Variants in PRKN observed in about 807,000 individuals in gnomAD.
PRKN encodes the protein E3 ubiquitin-protein ligase parkin.
A neutral mutation model predicts 59.5 loss-of-function variants in PRKN; 56 were observed. The observed-to-expected ratio is 0.94, with a 90% confidence interval of 0.76 to 1.18. The LOEUF (loss-of-function observed/expected upper bound fraction) is 1.18, where lower values mean the gene tolerates loss of function less well. PRKN is among the 50% of genes most tolerant of loss of function. The pLI is 0.00. For missense variants in PRKN, 657 were observed against 596.4 expected, an observed-to-expected ratio of 1.10 and a Z score of -1.06; for synonymous variants, 250 against 222.1, an observed-to-expected ratio of 1.13 and a Z score of -1.12.
At chr6:162,451,723 T>C (rs1266746132) in intron 1 of PRKN, among the ~76,000 whole-genome samples, 8 of 152,086 alleles carry the variant, frequency 5.3e-5, no homozygotes, top group African/African-American at 1.9e-4. Context: ...TTTAAATGAA[T>C]AGATGTTAGG....
At chr6:162,615,459 G>A (rs377328276) in intron 1 of PRKN, among the ~76,000 whole-genome samples, 4 of 148,930 alleles carry the variant, frequency 2.7e-5, no homozygotes, top group African/African-American at 9.8e-5. Context: ...TTTTTTTTTA[G>A]ACCTGCACAC....
intron 5 of PRKN, among the ~76,000 whole-genome samples, chr6:162,000,358 T>A (rs757228890): frequency 6.6e-6 from 1 of 152,030 alleles, no homozygotes; most frequent in Non-Finnish European, 1.5e-5. Context: ...TGTACTGGTA[T>A]CTCATTGTTT....
intron 1 of PRKN, among the ~76,000 whole-genome samples, chr6:162,480,551 C>T (rs1443615641): frequency 6.6e-6 from 1 of 152,068 alleles, no homozygotes; most frequent in African/African-American, 2.4e-5. Context: ...AAAGCAGTCA[C>T]CCAAACAATG....
At chr6:161,489,113 A>G (rs926982285) in intron 9 of PRKN, among the ~76,000 whole-genome samples, 1 of 152,132 alleles carries the variant, frequency 6.6e-6, no homozygotes, top group African/African-American at 2.4e-5. Flanking sequence ...GATTTCTAAG[A>G]CATAATTCAC....
intron 2 of PRKN, among the ~76,000 whole-genome samples, chr6:162,403,196 G>C (rs1364110702): frequency 6.6e-6 from 1 of 152,036 alleles, no homozygotes; most frequent in African/African-American, 2.4e-5. Flanking sequence ...ACCATCTGGC[G>C]CCTTTCGTCA....
Position 161,639,378 on chromosome 6 carries a change from G to A in PRKN, c.872-69962C>T, listed in dbSNP as rs113019003. On this transcript the variant is annotated intron_variant, in intron 7 of 11. Transcript: ENST00000366898. Reference sequence around the variant, plus strand: ...GAAAAGCAATTGTTAGCGCAACGTCGGCACACTCTCTTTTCTGGCTTCATC... The same window carrying A: ...GAAAAGCAATTGTTAGCGCAACGTCAGCACACTCTCTTTTCTGGCTTCATC... Among the ~76,000 whole-genome samples the A allele has an allele frequency of 1.5e-3, 221 of 152,204 alleles. 2 individuals carry two copies. The highest frequency in any genetic ancestry group is 0.01 in the Middle Eastern group (3 of 294).
At chr6:162,450,829 G>A (rs528419273) in intron 1 of PRKN, among the ~76,000 whole-genome samples, 15 of 152,022 alleles carry the variant, frequency 9.9e-5, no homozygotes, top group African/African-American at 3.6e-4. Context: ...AGAGACATTC[G>A]GTAAAACTAA....
chr6:161,433,696 T>G (rs545920156), intron 9 of PRKN, among the ~76,000 whole-genome samples: 1 of 152,214 alleles, frequency 6.6e-6, no homozygotes, highest in African/African-American at 2.4e-5. Context: ...TTTAAAAGAT[T>G]GCTGTCTCTC....
chr6:162,094,176 G>C (rs1779630871), intron 4 of PRKN, among the ~76,000 whole-genome samples: 1 of 152,162 alleles, frequency 6.6e-6, no homozygotes, highest in Non-Finnish European at 1.5e-5. Flanking sequence ...CCATCTGTGA[G>C]CTGGGGCTGC....
intron 2 of PRKN, among the ~76,000 whole-genome samples, chr6:162,377,865 G>A (rs1239723495): frequency 1.3e-5 from 2 of 152,160 alleles, no homozygotes; most frequent in Non-Finnish European, 2.9e-5. Flanking sequence ...AACTATTCAT[G>A]CTTAAGGCAA....
At chr6:161,986,996 T>C (rs1781458809) in intron 5 of PRKN, among the ~76,000 whole-genome samples, 1 of 152,222 alleles carries the variant, frequency 6.6e-6, no homozygotes. Flanking sequence ...ATCTAAACTT[T>C]TTTCGTTCAA....
chr6:162,530,748 T>C (rs1778477154), intron 1 of PRKN, among the ~76,000 whole-genome samples: 1 of 152,054 alleles, frequency 6.6e-6, no homozygotes, highest in African/African-American at 2.4e-5. Flanking sequence ...ATCCTAAAAT[T>C]TAAAGAAAAG....
chr6:161,651,876 T>C (rs1784161119), intron 7 of PRKN, among the ~76,000 whole-genome samples: 1 of 152,200 alleles, frequency 6.6e-6, no homozygotes, highest in South Asian at 2.1e-4. Context: ...GGTAATGTGT[T>C]CCTCCATTAT....
intron 4 of PRKN, among the ~76,000 whole-genome samples, chr6:162,068,867 G>A (rs1377099455): frequency 1.3e-5 from 2 of 152,052 alleles, no homozygotes; most frequent in Non-Finnish European, 1.5e-5. Context: ...CTTCATGTCT[G>A]TCCATGCCCC....
At chr6:161,351,077 A>C in intron 11 of PRKN, among the ~76,000 whole-genome samples, 1 of 113,470 alleles carries the variant, frequency 8.8e-6, no homozygotes, top group South Asian at 2.5e-4. Context: ...TTTAAAATAT[A>C]TATAAATATA....
At chr6:162,572,090 T>C (rs931424085) in intron 1 of PRKN, among the ~76,000 whole-genome samples, 1 of 152,174 alleles carries the variant, frequency 6.6e-6, no homozygotes, top group Non-Finnish European at 1.5e-5. Context: ...TCCTGGCACC[T>C]AGACTTGAGC....
chr6:161,574,944 C>T (rs1781073180), intron 7 of PRKN, among the ~76,000 whole-genome samples: 1 of 152,126 alleles, frequency 6.6e-6, no homozygotes, highest in Non-Finnish European at 1.5e-5. Context: ...CTTTTCTTGT[C>T]CTGGACTCCA....
At chr6:162,215,231 A>C (rs531303267) in intron 3 of PRKN, among the ~76,000 whole-genome samples, 1 of 152,186 alleles carries the variant, frequency 6.6e-6, no homozygotes, top group East Asian at 1.9e-4. Flanking sequence ...TTGAAGGTGA[A>C]GGCTACATTT....
intron 1 of PRKN, among the ~76,000 whole-genome samples, chr6:162,548,129 G>A (rs1186288277): frequency 1.3e-5 from 2 of 151,376 alleles, no homozygotes; most frequent in East Asian, 2.0e-4. Context: ...GCGCAATTTT[G>A]GCTCACTGCA....
Sources: allele counts gnomAD v4.1 joint callset (sites outside exome capture counted in the v4.1 genomes callset), GRCh38; gene constraint gnomAD v4.1.1; transcripts MANE v1.5; gene names NCBI Gene and HGNC (gene_info 2026-07-23, HGNC 2026-07-21).